IGF1R: variants seen among roughly 807,000 people sequenced by gnomAD.
IGF1R encodes the protein insulin like growth factor 1 receptor, also known as insulin-like growth factor 1 receptor.
In IGF1R, 44 loss-of-function variants were observed where a neutral mutation model predicts 144.6. That is an observed-to-expected ratio of 0.30 (90% CI 0.24 to 0.39). The LOEUF is 0.39. Ranked by LOEUF, IGF1R falls within the 10% of genes least tolerant of loss-of-function variation. The pLI is 1.00. For synonymous variants in IGF1R, 795 were observed against 722.8 expected, an observed-to-expected ratio of 1.10 and a Z score of -1.60; for missense variants, 1,355 against 1,833.7, an observed-to-expected ratio of 0.74 and a Z score of 4.77.
chr15:98,934,698 C>T, intron 15 of IGF1R, 126 bp from the exon 16 acceptor site: 1 of 800,184 alleles, frequency 1.2e-6, no homozygotes. Flanking sequence ...CATGCCATCG[C>T]CTCCTGGTAT....
At chr15:98,700,930 A>C (rs1204868850) in intron 1 of IGF1R, among the ~76,000 whole-genome samples, 1 of 151,342 alleles carries the variant, frequency 6.6e-6, no homozygotes, top group African/African-American at 2.4e-5. Context: ...TTTTTTTTTC[A>C]TTTAATTTGC....
chr15:98,666,710 G>A (rs1184133323), intron 1 of IGF1R, among the ~76,000 whole-genome samples: 1 of 152,154 alleles, frequency 6.6e-6, no homozygotes, highest in African/African-American at 2.4e-5. Context: ...ACGGAAAGTA[G>A]AATGGTGAGG....
intron 1 of IGF1R, among the ~76,000 whole-genome samples, chr15:98,702,699 G>C (rs2053765483): frequency 6.6e-6 from 1 of 152,172 alleles, no homozygotes; most frequent in African/African-American, 2.4e-5. Flanking sequence ...GGAGGCTGAG[G>C]CTGGAGGATT....
chr15:98,857,915 A>T (rs1053508283), intron 2 of IGF1R, among the ~76,000 whole-genome samples: 11 of 152,214 alleles, frequency 7.2e-5, no homozygotes, highest in Non-Finnish European at 1.3e-4. Flanking sequence ...TGCACGTTTT[A>T]AAAAATGCAA....
chr15:98,707,560 A>C lies in IGF1R; in HGVS notation c.95-2A>C. On this transcript the variant is annotated splice_acceptor_variant, in intron 1 of 20. Coordinates refer to ENST00000650285, the MANE Select transcript of IGF1R (RefSeq NM_000875.5). LOFTEE classifies it high-confidence loss of function. This position sits in a 1 kb window ranked among gnomAD's most constrained non-coding sequence, Gnocchi z 6.7. ...GACGTTTACCCTCTTGTCTCCCTTC[A>C]GTCTGCGGGCCAGGCATCGACATCC... is the stretch of plus-strand genomic sequence containing the variant. The C allele has an allele frequency of 6.2e-7, 1 of 1,614,106 alleles. No homozygotes were observed.
rs1567180933 is a variant in IGF1R at position 98,891,670 on chromosome 15, GC to G, written c.953+37del. The G allele has an allele frequency of 6.3e-7, 1 of 1,588,830 alleles. No individual in the cohort carries two copies. The highest frequency in any genetic ancestry group is 2.2e-5 in the East Asian group (1 of 44,674). ...GCGGCCACACGTGTGGTCACTACCC[GC>G]CCCACCTCACCCGCCACCCTAGCAC... On this transcript the variant is annotated intron_variant, in intron 3 of 20. Transcript: ENST00000650285. The surrounding 1 kb of genome is among the most constrained non-coding windows in gnomAD (Gnocchi z 4.7).
intron 2 of IGF1R, among the ~76,000 whole-genome samples, chr15:98,781,150 G>A (rs548369851): frequency 1.3e-5 from 2 of 152,276 alleles, no homozygotes; most frequent in Admixed American, 1.3e-4. Flanking sequence ...TTTAAATGAA[G>A]CGAAATGCCA....
intron 6 of IGF1R, among the ~76,000 whole-genome samples, chr15:98,910,009 G>A (rs2014936489): frequency 1.3e-5 from 2 of 152,314 alleles, no homozygotes; most frequent in South Asian, 4.1e-4. Flanking sequence ...GATGAAGGGT[G>A]ATTTGTGCGT....
chr15:98,685,477 C>T (rs959257773), intron 1 of IGF1R, among the ~76,000 whole-genome samples: 4 of 152,176 alleles, frequency 2.6e-5, no homozygotes, highest in Non-Finnish European at 5.9e-5. Context: ...GCACCCGCTT[C>T]CCAGTGGGTT....
intron 2 of IGF1R, among the ~76,000 whole-genome samples, chr15:98,762,227 TC>T (rs1432228210): frequency 0.066 from 8,353 of 127,478 alleles, 280 homozygotes; most frequent in East Asian, 0.15. Context: ...ATTTTTCTTT[TC>T]TTTTCTTTTC....
At chr15:98,779,733 C>T (rs1261948019) in intron 2 of IGF1R, among the ~76,000 whole-genome samples, 4 of 152,176 alleles carry the variant, frequency 2.6e-5, no homozygotes, top group Non-Finnish European at 4.4e-5. Flanking sequence ...ATTCCGTCTG[C>T]GGGGAGCCGA....
intron 1 of IGF1R, among the ~76,000 whole-genome samples, chr15:98,691,088 C>G (rs1400960495): frequency 6.6e-6 from 1 of 152,200 alleles, no homozygotes; most frequent in Non-Finnish European, 1.5e-5. Context: ...TAATTTGCCA[C>G]AGCTAAGGAA....
At chr15:98,742,023 G>A (rs1031001283) in intron 2 of IGF1R, among the ~76,000 whole-genome samples, 1 of 152,220 alleles carries the variant, frequency 6.6e-6, no homozygotes, top group Non-Finnish European at 1.5e-5. Context: ...TCAAAGTTAA[G>A]TCATTGTGAG....
chr15:98,696,325 A>G (rs755675319), intron 1 of IGF1R, among the ~76,000 whole-genome samples: 2 of 152,232 alleles, frequency 1.3e-5, no homozygotes, highest in Non-Finnish European at 2.9e-5. Context: ...GTTGAAATCT[A>G]CAGTACTCAG....
intron 2 of IGF1R, among the ~76,000 whole-genome samples, chr15:98,814,716 C>T (rs1370434287): frequency 1.3e-5 from 2 of 152,094 alleles, no homozygotes; most frequent in Non-Finnish European, 2.9e-5. Context: ...TTATTAGTGT[C>T]TTGGCCATTT....
chr15:98,828,281 C>CT (rs201968144), intron 2 of IGF1R, among the ~76,000 whole-genome samples: 2 of 151,570 alleles, frequency 1.3e-5, no homozygotes, highest in Non-Finnish European at 2.9e-5. Context: ...CTGTTGGGAA[C>CT]TTTTTTTTTA....
chr15:98,687,501 A>G lies in IGF1R; in HGVS notation c.95-20061A>G, dbSNP rs577865512. ...AGGTCAAATCACAGAGTCTTAGGCC[A>G]TTTCAAGGAGGTTGGATTTTTCTCT... On this transcript the variant is annotated intron_variant, in intron 1 of 20. Transcript: ENST00000650285. Among the ~76,000 whole-genome samples the G allele has an allele frequency of 3.0e-3, 451 of 152,330 alleles. 3 individuals are homozygous for G. Among genetic ancestry groups the G allele is most frequent in the Non-Finnish European group, 4.0e-3 (272 of 68,026 alleles).
chr15:98,964,291 C>T lies in IGF1R; in HGVS notation c.*6849C>T, dbSNP rs1004259851. ...ATGACTTTCTGTGTATAAATTATTC[C>T]TAAAAAATCCTGTTTATATAAAAAA... is the stretch of plus-strand genomic sequence containing the variant. On this transcript the variant is annotated 3_prime_UTR_variant, in exon 21 of 21. Coordinates refer to ENST00000650285, the MANE Select transcript of IGF1R (RefSeq NM_000875.5). 1.3e-5 allele frequency: 3 copies of T among 231,734 alleles called. No individual in the cohort carries two copies. Among genetic ancestry groups the T allele is most frequent in the African/African-American group, 2.2e-5 (1 of 45,114 alleles). 14.4% of individuals were successfully genotyped at this position (231,734 alleles called of 1,614,324 possible).
chr15:98,789,267 T>TG (rs1567130122), intron 2 of IGF1R, among the ~76,000 whole-genome samples: 7 of 152,264 alleles, frequency 4.6e-5, no homozygotes, highest in African/African-American at 1.7e-4. Flanking sequence ...GGACACATTG[T>TG]TCTAGGCTTC....
Sources: gnomAD v4.1 joint callset for allele counts (sites outside exome capture counted in the v4.1 genomes callset) on GRCh38, gnomAD v4.1.1 for gene constraint, Gnocchi (gnomAD v3.1) non-coding constraint, MANE v1.5 for transcripts, NCBI Gene and HGNC (gene_info 2026-07-23, HGNC 2026-07-21) for gene names.